Variants in ARHGAP10 observed in about 807,000 individuals in gnomAD.
ARHGAP10 encodes the protein Rho GTPase activating protein 10, also known as rho GTPase-activating protein 10.
In ARHGAP10, 87 loss-of-function variants were observed where a neutral mutation model predicts 108.6. The observed-to-expected ratio is 0.80, with a 90% confidence interval of 0.67 to 0.96. The LOEUF is 0.96. Among genes scored for constraint, ARHGAP10 ranks in the 40% least tolerant of loss-of-function variants. The probability of loss-of-function intolerance (pLI) is 0.00; values close to 1 mark genes in which losing one functional copy is unlikely to be tolerated. For synonymous variants in ARHGAP10, 347 were observed against 341.1 expected (o/e 1.02, Z -0.19); for missense variants, 939 against 954.5 (o/e 0.98, Z 0.21).
intron 9 of ARHGAP10, among the ~76,000 whole-genome samples, chr4:147,881,288 A>G (rs549623932): frequency 1.5e-4 from 23 of 151,704 alleles, no homozygotes; most frequent in Non-Finnish European, 3.4e-4. Context: ...AAAAAGTAAC[A>G]TTGGTATTGT....
intron 10 of ARHGAP10, among the ~76,000 whole-genome samples, chr4:147,883,755 T>C (rs1446884015): frequency 1.3e-5 from 2 of 152,022 alleles, no homozygotes; most frequent in African/African-American, 2.4e-5. Context: ...AGTGCAGTGG[T>C]GTAATCTCGG....
intron 14 of ARHGAP10, among the ~76,000 whole-genome samples, chr4:147,943,036 G>T (rs1348583812): frequency 1.3e-5 from 2 of 152,204 alleles, no homozygotes; most frequent in Non-Finnish European, 2.9e-5. Context: ...CAGATGAGTT[G>T]TCTTTAGGTG....
chr4:147,784,706 ATATT>A (rs1560756615), intron 1 of ARHGAP10, among the ~76,000 whole-genome samples: 4 of 85,902 alleles, frequency 4.7e-5, no homozygotes, highest in Non-Finnish European at 8.2e-5. Flanking sequence ...TATAAAATAT[ATATT>A]ATAAATATAA....
At chr4:148,024,341 G>A (rs1033937807) in intron 19 of ARHGAP10, among the ~76,000 whole-genome samples, 1 of 152,146 alleles carries the variant, frequency 6.6e-6, no homozygotes, top group Admixed American at 6.5e-5. Flanking sequence ...GAGCTACCCA[G>A]GTTACCTTAG....
intron 18 of ARHGAP10, among the ~76,000 whole-genome samples, chr4:148,006,880 T>C (rs1441751912): frequency 6.6e-6 from 1 of 152,134 alleles, no homozygotes; most frequent in Non-Finnish European, 1.5e-5. Flanking sequence ...ACCCTTTCCT[T>C]CCTCCCCATC....
intron 13 of ARHGAP10, among the ~76,000 whole-genome samples, chr4:147,924,814 T>C (rs898553390): frequency 2.6e-5 from 4 of 152,186 alleles, no homozygotes; most frequent in African/African-American, 9.7e-5. Flanking sequence ...CATGGGGTTG[T>C]TGTGAGAACT....
chr4:147,974,440 A>C (rs770001021), intron 18 of ARHGAP10, among the ~76,000 whole-genome samples: 6 of 152,174 alleles, frequency 3.9e-5, no homozygotes. Flanking sequence ...AGATCATATT[A>C]ATCAGGGTGG....
intron 1 of ARHGAP10, among the ~76,000 whole-genome samples, chr4:147,779,186 G>A (rs1180802885): frequency 3.3e-5 from 5 of 152,298 alleles, no homozygotes; most frequent in South Asian, 2.1e-4. Context: ...GGGGCTGCAC[G>A]TGAGAACCAC....
intron 19 of ARHGAP10, among the ~76,000 whole-genome samples, chr4:148,044,724 T>C (rs1024950310): frequency 2.0e-5 from 3 of 152,144 alleles, no homozygotes; most frequent in Non-Finnish European, 4.4e-5. Flanking sequence ...ACTTGGGCTC[T>C]TTCACAGAAA....
At chr4:148,016,305 A>G (rs529544137) in intron 18 of ARHGAP10, among the ~76,000 whole-genome samples, 22 of 152,204 alleles carry the variant, frequency 1.4e-4, no homozygotes, top group African/African-American at 5.1e-4. Flanking sequence ...GGAGTTTGAG[A>G]TTAGCCTGGG....
chr4:148,062,851 C>T (rs564079654), intron 20 of ARHGAP10, among the ~76,000 whole-genome samples: 3 of 152,268 alleles, frequency 2.0e-5, no homozygotes, highest in African/African-American at 7.2e-5. Flanking sequence ...CTCCTTTGAT[C>T]AATTAGATTC....
chr4:148,049,918 A>T (rs367728374), intron 20 of ARHGAP10, among the ~76,000 whole-genome samples: 3 of 151,010 alleles, frequency 2.0e-5, no homozygotes, highest in South Asian at 4.2e-4. Context: ...CCCAGGCTGG[A>T]GTGTGGTGGC....
At chr4:147,742,634 C>A (rs1728730486) in intron 1 of ARHGAP10, among the ~76,000 whole-genome samples, 1 of 151,676 alleles carries the variant, frequency 6.6e-6, no homozygotes, top group Admixed American at 6.6e-5. Context: ...TAGGCACCTG[C>A]CACCACGCCT....
intron 10 of ARHGAP10, among the ~76,000 whole-genome samples, chr4:147,882,936 G>T (rs908723273): frequency 6.6e-6 from 1 of 152,114 alleles, no homozygotes; most frequent in African/African-American, 2.4e-5. Context: ...TTTAGGTAAG[G>T]CTGTTCTATG....
At chr4:147,868,276 G>C (rs897711372) in intron 7 of ARHGAP10, among the ~76,000 whole-genome samples, 1 of 150,836 alleles carries the variant, frequency 6.6e-6, no homozygotes, top group Non-Finnish European at 1.5e-5. Context: ...TCACTCTGTC[G>C]CTGAGGCTGA....
intron 1 of ARHGAP10, among the ~76,000 whole-genome samples, chr4:147,806,704 G>A (rs1731799973): frequency 1.3e-5 from 2 of 152,096 alleles, no homozygotes; most frequent in African/African-American, 4.8e-5. Flanking sequence ...TCAGGCGCCA[G>A]CATATTATCT....
intron 7 of ARHGAP10, among the ~76,000 whole-genome samples, chr4:147,871,242 G>A (rs1309184888): frequency 6.6e-6 from 1 of 152,126 alleles, no homozygotes; most frequent in Admixed American, 6.6e-5. Flanking sequence ...ATAGGTGTGA[G>A]CCACCACGTC....
At chr4:147,990,554 G>A (rs143819625) in intron 18 of ARHGAP10, among the ~76,000 whole-genome samples, 4 of 152,326 alleles carry the variant, frequency 2.6e-5, no homozygotes, top group Non-Finnish European at 4.4e-5. Context: ...ATGCCCATGA[G>A]TGGTAGACCA....
At chr4:147,908,369 G>T (rs59532898) in intron 11 of ARHGAP10, among the ~76,000 whole-genome samples, 11,362 of 152,152 alleles carry the variant, frequency 0.075, 1,242 homozygotes, top group African/African-American at 0.24. Flanking sequence ...GTCAGTTTGC[G>T]TAGCGAAAAG....
Sources: allele counts gnomAD v4.1 joint callset (sites outside exome capture counted in the v4.1 genomes callset), GRCh38; gene constraint gnomAD v4.1.1; transcripts MANE v1.5; gene names NCBI Gene and HGNC (gene_info 2026-07-23, HGNC 2026-07-21).